The following PCDH15 variants were observed in gnomAD, a reference collection of about 807,000 sequenced individuals.
PCDH15 encodes the protein protocadherin related 15.
PCDH15 carries 129 observed loss-of-function variants against 178.5 expected under a neutral mutation model. The observed-to-expected ratio is 0.72, with a 90% CI of 0.63 to 0.84. The LOEUF is 0.84. Among genes scored for constraint, PCDH15 ranks in the 40% least tolerant of loss-of-function variants. PCDH15 has a pLI of 0.00. For synonymous variants in PCDH15, 800 were observed against 732.0 expected (o/e 1.09, Z -1.50); for missense variants, 2,230 against 2,099.9 (o/e 1.06, Z -1.21).
At chr10:54,128,693 T>G (rs1214267986) in intron 15 of PCDH15, among the ~76,000 whole-genome samples, 1 of 152,188 alleles carries the variant, frequency 6.6e-6, no homozygotes. Context: ...GTACTCAGAA[T>G]CAGGAACTTT....
At chr10:54,281,100 A>C (rs561625626) in intron 8 of PCDH15, among the ~76,000 whole-genome samples, 114 of 152,000 alleles carry the variant, frequency 7.5e-4, no homozygotes, top group African/African-American at 2.7e-3. Context: ...ATATGCCCCA[A>C]AACTTGATAT....
intron 2 of PCDH15, among the ~76,000 whole-genome samples, chr10:55,129,058 CA>C: frequency 6.6e-6 from 1 of 152,088 alleles, no homozygotes; most frequent in East Asian, 1.9e-4. Flanking sequence ...GTTGCTTGCA[CA>C]ATTAATAGTT....
At chr10:54,320,040 A>C (rs2061500087) in intron 7 of PCDH15, among the ~76,000 whole-genome samples, 1 of 152,072 alleles carries the variant, frequency 6.6e-6, no homozygotes, top group African/African-American at 2.4e-5. Flanking sequence ...AAAACACAAA[A>C]TGTTTAAATT....
chr10:55,301,099 T>C (rs1843265296), intron 1 of PCDH15, among the ~76,000 whole-genome samples: 1 of 152,172 alleles, frequency 6.6e-6, no homozygotes, highest in Non-Finnish European at 1.5e-5. Flanking sequence ...AACATAAATT[T>C]TTATTTCTCT....
intron 25 of PCDH15, among the ~76,000 whole-genome samples, chr10:53,912,058 G>A (rs547497781): frequency 1.2e-4 from 18 of 152,260 alleles, no homozygotes; most frequent in African/African-American, 3.4e-4. Context: ...TAAAATACCC[G>A]CAAACTGAAT....
At chr10:54,338,113 C>T (rs973136245) in intron 6 of PCDH15, among the ~76,000 whole-genome samples, 1 of 152,100 alleles carries the variant, frequency 6.6e-6, no homozygotes, top group Admixed American at 6.5e-5. Context: ...ATCCAACTTC[C>T]AAGGAAACTG....
intron 2 of PCDH15, among the ~76,000 whole-genome samples, chr10:55,126,456 A>G (rs1156645223): frequency 1.3e-5 from 2 of 152,250 alleles, no homozygotes; most frequent in Non-Finnish European, 2.9e-5. Flanking sequence ...CATTCCAAAT[A>G]TACTTTGGTC....
At chr10:54,536,153 T>G (rs1485226004) in intron 2 of PCDH15, among the ~76,000 whole-genome samples, 8 of 152,244 alleles carry the variant, frequency 5.3e-5, no homozygotes. Flanking sequence ...TGAGACAGAC[T>G]GCCTAGGTTA....
chr10:53,855,510 A>C (rs528095845), intron 28 of PCDH15, among the ~76,000 whole-genome samples: 1 of 152,196 alleles, frequency 6.6e-6, no homozygotes, highest in African/African-American at 2.4e-5. Context: ...TGACACCAAA[A>C]GGTTAAATTT....
intron 2 of PCDH15, among the ~76,000 whole-genome samples, chr10:54,621,022 C>CTTAA (rs1157419035): frequency 6.6e-6 from 1 of 151,852 alleles, no homozygotes; most frequent in Admixed American, 6.6e-5. Context: ...AAATAGCAAG[C>CTTAA]TTAAGTATAT....
At chr10:55,289,621 A>G (rs931498221) in intron 1 of PCDH15, among the ~76,000 whole-genome samples, 13 of 152,100 alleles carry the variant, frequency 8.5e-5, no homozygotes, top group African/African-American at 2.9e-4. Context: ...GAATTTGTGC[A>G]TTTTATATAG....
chr10:54,398,591 G>A (rs112978494), intron 3 of PCDH15, among the ~76,000 whole-genome samples: 3,999 of 151,996 alleles, frequency 0.026, 168 homozygotes, highest in African/African-American at 0.089. Context: ...TTAGACCAAG[G>A]AAAGTTTGTA....
intron 2 of PCDH15, among the ~76,000 whole-genome samples, chr10:55,526,001 A>T (rs1459919836): frequency 6.6e-6 from 1 of 151,932 alleles, no homozygotes; most frequent in Non-Finnish European, 1.5e-5. Context: ...AGTTGTCAGG[A>T]TCAATAAATG....
chr10:53,842,831 A>G (rs2077741065), intron 28 of PCDH15, among the ~76,000 whole-genome samples: 2 of 152,172 alleles, frequency 1.3e-5, no homozygotes, highest in African/African-American at 4.8e-5. Flanking sequence ...GTTAAATACA[A>G]TGCAATAGAT....
intron 15 of PCDH15, among the ~76,000 whole-genome samples, chr10:54,092,199 T>A (rs1373708241): frequency 6.6e-6 from 1 of 152,132 alleles, no homozygotes; most frequent in Non-Finnish European, 1.5e-5. Flanking sequence ...TACATTCCAA[T>A]GCAACCCATC....
At chr10:54,237,380 A>G (rs1357283603) in intron 8 of PCDH15, among the ~76,000 whole-genome samples, 1 of 152,146 alleles carries the variant, frequency 6.6e-6, no homozygotes, top group Non-Finnish European at 1.5e-5. Flanking sequence ...TAAATAAAGT[A>G]AATAATTTCA....
chr10:53,898,497 A>C (rs554289627), intron 26 of PCDH15, among the ~76,000 whole-genome samples: 133 of 152,308 alleles, frequency 8.7e-4, no homozygotes, highest in African/African-American at 2.9e-3. Context: ...CACTAACGGA[A>C]ATCAACTTCG....
At chr10:54,301,812 T>C (rs2060166881) in intron 8 of PCDH15, among the ~76,000 whole-genome samples, 1 of 152,206 alleles carries the variant, frequency 6.6e-6, no homozygotes, top group South Asian at 2.1e-4. Flanking sequence ...ATTCATTGCC[T>C]CAATGGTTAC....
chr10:54,655,304 C>CAGAGAGAG (rs1213808096), intron 2 of PCDH15, among the ~76,000 whole-genome samples: 1 of 80,648 alleles, frequency 1.2e-5, no homozygotes, highest in Non-Finnish European at 2.5e-5. Flanking sequence ...GAGAGAGAGA[C>CAGAGAGAG]AGAGAGAGAG....
Sources: allele counts gnomAD v4.1 joint callset (sites outside exome capture counted in the v4.1 genomes callset), GRCh38; gene constraint gnomAD v4.1.1; transcripts MANE v1.5; gene names NCBI Gene and HGNC (gene_info 2026-07-23, HGNC 2026-07-21).